The following ZMYM6 variants were observed in gnomAD, a reference collection of about 807,000 sequenced individuals.
ZMYM6 encodes zinc finger MYM-type containing 6, also known as zinc finger MYM-type protein 6.
In ZMYM6, 90 loss-of-function variants were observed where a neutral mutation model predicts 134.0. That is an observed-to-expected ratio of 0.67 (90% CI 0.57 to 0.80). The LOEUF (loss-of-function observed/expected upper bound fraction) is 0.80. Ranked by LOEUF, ZMYM6 falls within the 30% of genes least tolerant of loss-of-function variation. The probability of loss-of-function intolerance (pLI) is 0.00; values close to 1 mark genes in which losing one functional copy is unlikely to be tolerated. For missense variants in ZMYM6, 1,362 were observed against 1,533.9 expected (o/e 0.89, Z 1.87); for synonymous variants, 481 against 524.1 (o/e 0.92, Z 1.12).
At chr1:35,014,952 T>A (rs1257534688) in intron 5 of ZMYM6, 36 bp downstream of exon 5, 2 of 1,609,670 alleles carry the variant, frequency 1.2e-6, no homozygotes. Context: ...AAAATCTCTT[T>A]CAGCAGAATC....
intron 12 of ZMYM6, 135 bp from the exon 13 acceptor site, chr1:35,005,407 G>A: frequency 2.1e-6 from 2 of 945,818 alleles, no homozygotes; most frequent in African/African-American, 1.7e-5. Context: ...TCTGTATCAT[G>A]TTAGGTTGGG....
intron 11 of ZMYM6, among the ~76,000 whole-genome samples, 168 bp from the exon 12 acceptor site, chr1:35,007,266 T>C (rs1640999213): frequency 2.0e-5 from 3 of 152,342 alleles, no homozygotes; most frequent in South Asian, 4.1e-4. Flanking sequence ...ATTTGTTTTA[T>C]ATAGATGCCC....
chr1:35,023,256 C>T (rs1641344571), intron 2 of ZMYM6, among the ~76,000 whole-genome samples: 1 of 152,042 alleles, frequency 6.6e-6, no homozygotes, highest in Non-Finnish European at 1.5e-5. Flanking sequence ...TACAGGCATG[C>T]GCCACCACGC....
At chr1:35,013,640 A>C in intron 6 of ZMYM6, 1 of 985,448 alleles carries the variant, frequency 1.0e-6, no homozygotes, top group Non-Finnish European at 1.2e-6. Context: ...AAACTTGCTA[A>C]CTGAAAAAAA....
At chr1:35,003,143 C>T (rs1204862374) in intron 14 of ZMYM6, among the ~76,000 whole-genome samples, 11 of 148,302 alleles carry the variant, frequency 7.4e-5, no homozygotes, top group African/African-American at 1.0e-4. Context: ...ATCATGCCAC[C>T]GCACTCCAGC....
At chr1:35,023,009 G>A (rs913588959) in intron 2 of ZMYM6, among the ~76,000 whole-genome samples, 10 of 152,232 alleles carry the variant, frequency 6.6e-5, no homozygotes, top group Admixed American at 3.3e-4. Flanking sequence ...TAGGGCCAAC[G>A]GGGAGGGAGG....
intron 12 of ZMYM6, among the ~76,000 whole-genome samples, chr1:35,006,024 G>C (rs1640959697): frequency 1.3e-5 from 2 of 152,038 alleles, no homozygotes. Context: ...TTTTTTTTCT[G>C]AGAGAGAGAA....
chr1:34,991,914 A>G (rs1366116818), intron 15 of ZMYM6, among the ~76,000 whole-genome samples: 1 of 152,170 alleles, frequency 6.6e-6, no homozygotes, highest in Non-Finnish European at 1.5e-5. Flanking sequence ...TTTCATCGTC[A>G]CCAATACCTC....
intron 11 of ZMYM6, among the ~76,000 whole-genome samples, chr1:35,008,060 C>A (rs1172275251): frequency 6.6e-6 from 1 of 151,998 alleles, no homozygotes; most frequent in South Asian, 2.1e-4. Context: ...AAATATATTA[C>A]CCTCCCCCAA....
intron 14 of ZMYM6, among the ~76,000 whole-genome samples, chr1:34,993,376 G>A (rs1371790663): frequency 6.6e-6 from 1 of 152,140 alleles, no homozygotes; most frequent in African/African-American, 2.4e-5. Flanking sequence ...CTCCCAAAGT[G>A]CTGGGATTAC....
At chr1:34,998,035 C>A (rs1239930016) in intron 14 of ZMYM6, among the ~76,000 whole-genome samples, 1 of 152,126 alleles carries the variant, frequency 6.6e-6, no homozygotes, top group Non-Finnish European at 1.5e-5. Flanking sequence ...AATCCCAGCA[C>A]TTTGGGACAC....
chr1:35,016,881 C>T (rs1641210135), intron 4 of ZMYM6, among the ~76,000 whole-genome samples: 1 of 151,644 alleles, frequency 6.6e-6, no homozygotes, highest in South Asian at 2.1e-4. Flanking sequence ...GGCTCATGCC[C>T]ATGGTCTCAG....
At chr1:34,991,265 T>C (rs1187828307) in intron 15 of ZMYM6, among the ~76,000 whole-genome samples, 1 of 152,148 alleles carries the variant, frequency 6.6e-6, no homozygotes, top group African/African-American at 2.4e-5. Context: ...GATCCTTTAG[T>C]ACTCTCCATG....
At chr1:35,000,246 C>T (rs1452762279) in intron 14 of ZMYM6, among the ~76,000 whole-genome samples, 23 of 147,830 alleles carry the variant, frequency 1.6e-4, no homozygotes, top group African/African-American at 4.9e-4. Context: ...TTTTTTTTTT[C>T]TTTTTTTTTG....
At chr1:35,010,623 G>A (rs1641067998) in intron 9 of ZMYM6, 26 bp from the exon 10 acceptor site, 6 of 1,589,306 alleles carry the variant, frequency 3.8e-6, no homozygotes, top group Non-Finnish European at 5.1e-6. Flanking sequence ...AGTCCATTAA[G>A]AGCCAACTAA....
At position 35,024,191 on chromosome 1, in the gene ZMYM6, G is replaced by A. The variant is rs369538670; in HGVS notation, c.94-3724C>T. 7.8e-4 allele frequency among the ~76,000 whole-genome samples: 118 copies of A among 152,224 alleles called. 2 individuals carry two copies. The South Asian group carries it at 0.018, about 24-fold the overall frequency. On this transcript the variant is annotated intron_variant, in intron 2 of 15. Coordinates refer to ENST00000357182, the MANE Select transcript of ZMYM6 (RefSeq NM_007167.4). ...AGCAAACTGTCCTGCTATCTTACAG[G>A]AAAAGGAAACCTTCTTTTTAGCTAT...
At chr1:34,995,566 C>T (rs1174805082) in intron 14 of ZMYM6, among the ~76,000 whole-genome samples, 5 of 151,976 alleles carry the variant, frequency 3.3e-5, no homozygotes, top group Non-Finnish European at 7.4e-5. Context: ...ATGTGCTGTA[C>T]TCATCCTTCT....
At chr1:35,016,541 A>G (rs1047624819) in intron 4 of ZMYM6, among the ~76,000 whole-genome samples, 10 of 152,226 alleles carry the variant, frequency 6.6e-5, no homozygotes, top group African/African-American at 2.2e-4. Context: ...AAACTAAAGG[A>G]AATAGTCACT....
chr1:35,028,137 A>G (rs1641448090), intron 2 of ZMYM6, among the ~76,000 whole-genome samples: 1 of 152,100 alleles, frequency 6.6e-6, no homozygotes, highest in South Asian at 2.1e-4. Context: ...CAACATGGCG[A>G]AACCCAGTCT....
Sources: allele counts gnomAD v4.1 joint callset (sites outside exome capture counted in the v4.1 genomes callset), GRCh38; gene constraint gnomAD v4.1.1; transcripts MANE v1.5; gene names NCBI Gene and HGNC (gene_info 2026-07-23, HGNC 2026-07-21).